The following NEK5 variants were observed in gnomAD, a reference collection of about 807,000 sequenced individuals.
NEK5 encodes the protein serine/threonine-protein kinase Nek5.
NEK5 carries 88 observed loss-of-function variants against 109.2 expected under a neutral mutation model. The ratio of observed to expected loss-of-function variants is 0.81; its 90% CI spans 0.68 to 0.96. The LOEUF (loss-of-function observed/expected upper bound fraction) is 0.96, where lower values mean the gene tolerates loss of function less well. Ranked by LOEUF, NEK5 falls within the 40% of genes least tolerant of loss-of-function variation. NEK5 has a pLI of 0.00. For missense variants in NEK5, 834 were observed against 920.7 expected, an observed-to-expected ratio of 0.91 and a Z score of 1.22; for synonymous variants, 283 against 299.9, an observed-to-expected ratio of 0.94 and a Z score of 0.58.
rs548218941 is a variant in NEK5, at chr13:52,071,996, C to T, written c.1797G>A (p.Glu599=). The T allele has an allele frequency of 8.7e-5, 140 of 1,610,548 alleles. 3 individuals carry two copies. The South Asian group carries it at 1.2e-3, about 14-fold the overall frequency. Residue 599 remains glutamate (E), a synonymous_variant, in exon 20 of 24, where the codon GAG becomes GAA. Coordinates refer to ENST00000684899, the MANE Select transcript of NEK5 (RefSeq NM_001365552.1). ...ATGCTTTGTCTGTATAATCTCCATG[C>T]TCCTTTACACATTCATATTCCTTAA... is the stretch of plus-strand genomic sequence containing the variant. ...MKFKEYECVK[E]HGDYTDKAFE...
intron 8 of NEK5, among the ~76,000 whole-genome samples, chr13:52,107,330 C>T (rs1955674836): frequency 6.6e-6 from 1 of 151,928 alleles, no homozygotes; most frequent in South Asian, 2.1e-4. Flanking sequence ...CAGTGGCTCA[C>T]ACCTGTAATC....
At chr13:52,123,952 A>G (rs1956018300) in intron 3 of NEK5, among the ~76,000 whole-genome samples, 1 of 152,088 alleles carries the variant, frequency 6.6e-6, no homozygotes, top group Admixed American at 6.6e-5. Flanking sequence ...ATGTGATAGG[A>G]GCTGTAGTTT....
intron 18 of NEK5, 30 bp from the exon 19 acceptor site, chr13:52,075,856 T>G (rs748038340): frequency 4.0e-5 from 53 of 1,310,850 alleles, no homozygotes; most frequent in Non-Finnish European, 5.6e-5. Context: ...AAAAAAAAGT[T>G]TAGCAATTCA....
intron 23 of NEK5, among the ~76,000 whole-genome samples, chr13:52,043,200 G>A (rs1172251326): frequency 5.9e-5 from 9 of 151,904 alleles, no homozygotes; most frequent in Admixed American, 5.9e-4. Context: ...ATGTAAAAAA[G>A]GGACACTTTA....
At position 52,043,930 on chromosome 13, in the gene NEK5, T is replaced by C. The variant is rs1001041669; in HGVS notation, c.2228+6174A>G. On this transcript the variant is annotated intron_variant, in intron 23 of 23. Coordinates refer to ENST00000684899, the MANE Select transcript of NEK5 (RefSeq NM_001365552.1). ...TATACAGAGTGTCAACTTGATTGGA[T>C]TGAAGGATTCAAAGTATTGATCCTG... Among the ~76,000 whole-genome samples the C allele has an allele frequency of 3.3e-5, 5 of 152,302 alleles. No homozygotes were observed. In the South Asian group the frequency reaches 1.0e-3, roughly 32 times the overall value.
At chr13:52,037,719 C>T (rs1302455912) in intron 23 of NEK5, among the ~76,000 whole-genome samples, 1 of 152,024 alleles carries the variant, frequency 6.6e-6, no homozygotes, top group Non-Finnish European at 1.5e-5. Context: ...GTCAGGAGAT[C>T]GAGACCATCC....
chr13:52,105,281 GAAGGA>G (rs1955628766), intron 8 of NEK5, among the ~76,000 whole-genome samples: 1 of 55,744 alleles, frequency 1.8e-5, no homozygotes. Context: ...GTGTCAGAGA[GAAGGA>G]GAGAGAGATA....
rs191865099 is a variant in NEK5, at chr13:52,092,900, A to G, written c.1208+154T>C. ...GACTGTCTACAAAAGCAAACAAAAG[A>G]AAAAGGTCAAGGGAACTATGTGTTT... On this transcript the variant is annotated intron_variant, in intron 13 of 23. Transcript: ENST00000684899. 2.0e-5 allele frequency among the ~76,000 whole-genome samples: 3 copies of G among 152,364 alleles called. No homozygotes were observed. In the East Asian group the frequency reaches 5.8e-4, roughly 29 times the overall value.
intron 23 of NEK5, among the ~76,000 whole-genome samples, chr13:52,045,731 C>G (rs1168829186): frequency 1.5e-5 from 2 of 134,188 alleles, no homozygotes; most frequent in African/African-American, 5.6e-5. Flanking sequence ...CACCACTGCA[C>G]TCCAGCCTGG....
intron 8 of NEK5, among the ~76,000 whole-genome samples, chr13:52,104,933 T>C (rs996477081): frequency 3.9e-5 from 6 of 152,234 alleles, no homozygotes; most frequent in African/African-American, 1.2e-4. Context: ...TTGAAAGATA[T>C]ATCCTACTCA....
chr13:52,050,184 T>A lies in NEK5; in HGVS notation c.2148A>T (p.Glu716Asp), dbSNP rs182078618. 16 of 985,550 alleles carry A rather than the reference T, an allele frequency of 1.6e-5. No individual in the cohort carries two copies. Among genetic ancestry groups the A allele is most frequent in the Middle Eastern group, 5.2e-4 (1 of 1,914 alleles). 61.1% of individuals were successfully genotyped at this position (985,550 alleles called of 1,614,324 possible). A position where few individuals can be genotyped will look rare whatever the true frequency, so the allele number is the denominator to read the frequency against. The change falls in exon 23 of 24, where the codon GAA becomes GAT. Residue 716 changes from glutamate to aspartate, a missense_variant. Transcript: ENST00000684899. ...GTLKQWLPKE[E>D]DEGKVEMVSG... ...AGACCATTTCTACCTTCCCTTCATC[T>A]TCTTCTTTGGGTAGCCATTGTTTTA...
intron 13 of NEK5, 141 bp downstream of exon 13, chr13:52,092,913 G>T: frequency 1.7e-6 from 1 of 605,032 alleles, no homozygotes; most frequent in Non-Finnish European, 2.8e-6. Context: ...AAGGTCAAGG[G>T]AACTATGTGT....
At chr13:52,117,575 T>A (rs935164830) in intron 4 of NEK5, among the ~76,000 whole-genome samples, 1 of 152,202 alleles carries the variant, frequency 6.6e-6, no homozygotes. Flanking sequence ...CAATCTCACA[T>A]GGTATAAGGA....
chr13:52,037,750 C>T (rs1365909966), intron 23 of NEK5, among the ~76,000 whole-genome samples: 12 of 152,152 alleles, frequency 7.9e-5, no homozygotes, highest in East Asian at 1.9e-4. Flanking sequence ...GGTGAAACCC[C>T]GTCTCTACTA....
At chr13:52,119,257 T>A in intron 4 of NEK5, 62 bp downstream of exon 4, 2 of 868,490 alleles carry the variant, frequency 2.3e-6, no homozygotes, top group Non-Finnish European at 3.5e-6. Flanking sequence ...AACAAATCTT[T>A]TTACATATGT....
intron 23 of NEK5, among the ~76,000 whole-genome samples, chr13:52,038,871 C>T (rs1400708179): frequency 1.4e-5 from 2 of 147,686 alleles, no homozygotes; most frequent in African/African-American, 2.5e-5. Flanking sequence ...TTAAACTCCT[C>T]TTTCAGCGAG....
chr13:52,104,262 C>T (rs1173040768), intron 9 of NEK5, among the ~76,000 whole-genome samples: 2 of 152,212 alleles, frequency 1.3e-5, no homozygotes, highest in Non-Finnish European at 2.9e-5. Context: ...CACGCCAAGC[C>T]CACACAATTT....
chr13:52,080,014 C>A (rs1479960290), intron 17 of NEK5, among the ~76,000 whole-genome samples: 38 of 151,564 alleles, frequency 2.5e-4, no homozygotes, highest in Admixed American at 7.9e-4. Flanking sequence ...CGAGGAGACC[C>A]TCCGCCTGGC....
chr13:52,112,217 C>T, intron 5 of NEK5, 51 bp downstream of exon 5: 1 of 929,802 alleles, frequency 1.1e-6, no homozygotes, highest in Non-Finnish European at 1.7e-6. Context: ...AAATTTAATT[C>T]TCCCCCCACC....
Sources: allele counts gnomAD v4.1 joint callset (sites outside exome capture counted in the v4.1 genomes callset), GRCh38; gene constraint gnomAD v4.1.1; transcripts MANE v1.5; gene names NCBI Gene and HGNC (gene_info 2026-07-23, HGNC 2026-07-21).